The following TCHH variants were observed in gnomAD, a reference collection of about 807,000 sequenced individuals.
The protein encoded by TCHH is trichohyalin.
Under a neutral mutation model 6.3 loss-of-function variants are expected in TCHH, and 6 were observed. The observed-to-expected ratio is 0.95, with a 90% CI of 0.52 to 1.88. TCHH has a LOEUF of 1.88. Ranked by LOEUF, TCHH falls within the 40% of genes most tolerant of loss-of-function variation. The pLI, the probability that TCHH is intolerant of heterozygous loss-of-function variation, is 0.01. For synonymous variants in TCHH, 1,087 were observed against 963.6 expected, an observed-to-expected ratio of 1.13 and a Z score of -2.37; for missense variants, 2,920 against 2,449.1, an observed-to-expected ratio of 1.19 and a Z score of -4.06.
In TCHH at chr1:152,107,435, T is replaced by C. The variant is rs367712722; in HGVS notation, c.5782A>G (p.Ser1928Gly). The C allele has an allele frequency of 3.7e-6, 6 of 1,611,726 alleles. No homozygotes were observed. The East Asian group carries it at 1.1e-4, about 30-fold the overall frequency. ...TCTTGGATGTACTCATAGAGAGGGCTGGAGCGCACTGGGACACTGGCAAAC... is the reference window on the plus strand; with the variant it reads ...TCTTGGATGTACTCATAGAGAGGGCCGGAGCGCACTGGGACACTGGCAAAC... ...HQFASVPVRSSPLYEYIQEQR... is the reference protein window; with the variant it reads ...HQFASVPVRSGPLYEYIQEQR... The change falls in exon 3 of 3, where the codon AGC (serine) becomes GGC (glycine). Residue 1928 changes from serine to glycine, a missense_variant. Coordinates refer to ENST00000614923, the MANE Select transcript of TCHH (RefSeq NM_007113.4).
rs1247073181 is a variant in TCHH, at chr1:152,107,949, A to T, written c.5268T>A (p.Arg1756=). 1 of 1,570,364 alleles carries T rather than the reference A, an allele frequency of 6.4e-7. No homozygotes were observed. The part of the protein sequence containing the change: ...YRKILEEEQL[R]PEREEQQLRR... The stretch of plus-strand genomic sequence containing the variant: ...GCAGCTGCTGTTCTTCCCTTTCCGG[A>T]CGGAGCTGCTCTTCCTCTAGGATTT... The change falls in exon 3 of 3, where the codon CGT becomes CGA. Residue 1756 remains arginine (R), a synonymous_variant. Transcript: ENST00000614923.
In TCHH at chr1:152,107,445, T is replaced by C. The variant is rs1306749722; in HGVS notation, c.5772A>G (p.Pro1924=). Residue 1924 remains proline (P), a synonymous_variant, in exon 3 of 3, where the codon CCA becomes CCG. Coordinates refer to ENST00000614923, the MANE Select transcript of TCHH (RefSeq NM_007113.4). ...EPGTHQFASV[P]VRSSPLYEYI... is the part of the protein sequence containing the mutation. ...ACTCATAGAGAGGGCTGGAGCGCAC[T>C]GGGACACTGGCAAACTGATGAGTGC... 4 of 1,613,460 alleles carry C rather than the reference T, an allele frequency of 2.5e-6. No individual in the cohort carries two copies. The highest frequency in any genetic ancestry group is 3.4e-6 in the Non-Finnish European group (4 of 1,179,664).
At position 152,112,830 on chromosome 1, in the gene TCHH, C is replaced by T. The variant is rs369498918; in HGVS notation, c.387G>A (p.Leu129=). ...TGCGTCGTTGCCCAGGTTCTTCTTC[C>T]AGTTGTCTGTCCCGGGGCTCGAATC... is the stretch of plus-strand genomic sequence containing the variant. ...QRRFEPRDRQ[L]EEEPGQRRRQ... The change falls in exon 3 of 3, where the codon CTG becomes CTA. Residue 129 remains leucine, a synonymous_variant. Coordinates refer to ENST00000614923, the MANE Select transcript of TCHH (RefSeq NM_007113.4). The T allele has an allele frequency of 6.2e-7, 1 of 1,613,844 alleles. No individual in the cohort carries two copies. Among genetic ancestry groups the T allele is most frequent in the Non-Finnish European group, 8.5e-7 (1 of 1,180,012 alleles).
rs75981854 is a variant in TCHH at position 152,108,632 on chromosome 1, G to T, written c.4585C>A (p.Arg1529=). 10 of 1,602,204 alleles carry T rather than the reference G, an allele frequency of 6.2e-6. No individual in the cohort carries two copies. The highest frequency in any genetic ancestry group is 1.1e-5 in the South Asian group (1 of 90,924). ...TCCTCCTGGAGGAATTTTCTCTGCC[G>T]TTGCTGGCGGTGCAGCTGCTGTTCC... ...EEEQQLHRQQ[R]QRKFLQEEQQ... The change falls in exon 3 of 3, where the codon CGG becomes AGG. Residue 1529 remains arginine, a synonymous_variant. Coordinates refer to ENST00000614923, the MANE Select transcript of TCHH (RefSeq NM_007113.4).
In TCHH at chr1:152,107,696, G is replaced by T. The variant is rs756321384; in HGVS notation, c.5521C>A (p.Arg1841=). The change falls in exon 3 of 3, where the codon CGA becomes AGA. Residue 1841 remains arginine, a synonymous_variant. Coordinates refer to ENST00000614923, the MANE Select transcript of TCHH (RefSeq NM_007113.4). ...TCCTCCGCCCGGTACTGCCGGTCTC[G>T]CTCCTGCCGCAGCCTCTGCTCTTGT... ...EEQEQRLRQE[R]DRQYRAEEQF... is the part of the protein sequence containing the mutation. The T allele has an allele frequency of 6.2e-7, 1 of 1,614,176 alleles. No individual in the cohort carries two copies. Among genetic ancestry groups the T allele is most frequent in the South Asian group, 1.1e-5 (1 of 91,080 alleles).
Position 152,107,437 on chromosome 1 carries a change from G to C in TCHH, c.5780C>G (p.Ser1927Cys), listed in dbSNP as rs1264216558. The C allele has an allele frequency of 1.2e-6, 2 of 1,612,044 alleles. No individual in the cohort carries two copies. The highest frequency in any genetic ancestry group is 2.2e-5 in the East Asian group (1 of 44,850). Residue 1927 changes from serine to cysteine, a missense_variant, in exon 3 of 3, where the codon TCC (serine) becomes TGC (cysteine). By Grantham distance (112) the Ser-to-Cys change is moderately radical. Transcript: ENST00000614923. ...THQFASVPVR[S>C]SPLYEYIQEQ... ...TTGGATGTACTCATAGAGAGGGCTG[G>C]AGCGCACTGGGACACTGGCAAACTG...
chr1:152,107,491 T>C lies in TCHH; in HGVS notation c.5726A>G (p.His1909Arg), dbSNP rs1049421375. The C allele has an allele frequency of 1.2e-6, 2 of 1,614,122 alleles. No individual in the cohort carries two copies. Among genetic ancestry groups the C allele is most frequent in the Non-Finnish European group, 1.7e-6 (2 of 1,180,048 alleles). ...AGTGCCGGGCTCCAGAAGCCGCCCA[T>C]GGCCCTTCCCTTCTTGGGATTTTAT... is the stretch of plus-strand genomic sequence containing the variant. ...GEIKSQEGKG[H>R]GRLLEPGTHQ... is the part of the protein sequence containing the mutation. The change falls in exon 3 of 3, where the codon CAT becomes CGT. Residue 1909 changes from histidine to arginine, a missense_variant. By Grantham distance (29) the His-to-Arg change is conservative (BLOSUM62 0). Coordinates refer to ENST00000614923, the MANE Select transcript of TCHH (RefSeq NM_007113.4).
At position 152,107,565 on chromosome 1, in the gene TCHH, G is replaced by C; in HGVS notation, c.5652C>G (p.His1884Gln). The C allele has an allele frequency of 6.2e-7, 1 of 1,614,084 alleles. No individual in the cohort carries two copies. The highest frequency in any genetic ancestry group is 1.3e-5 in the African/African-American group (1 of 75,010). ...GTTCCTCCTTCTGCTGGCGGCGGAT[G>C]TGTTCTTCCCGTAATTTCCTTTCCC... is the stretch of plus-strand genomic sequence containing the variant. ...QERERKLREE[H>Q]IRRQQKEEQR... The change falls in exon 3 of 3, where the codon CAC (histidine) becomes CAG (glutamine). Residue 1884 changes from histidine (H) to glutamine (Q), a missense_variant. Coordinates refer to ENST00000614923, the MANE Select transcript of TCHH (RefSeq NM_007113.4).
Position 152,112,424 on chromosome 1 carries a change from G to A in TCHH, c.793C>T (p.Pro265Ser). The A allele has an allele frequency of 6.2e-7, 1 of 1,613,710 alleles. No individual in the cohort carries two copies. Among genetic ancestry groups the A allele is most frequent in the South Asian group, 1.1e-5 (1 of 91,070 alleles). Residue 265 changes from proline (P) to serine (S), a missense_variant, in exon 3 of 3, where the codon CCG (proline) becomes TCG (serine). Transcript: ENST00000614923. ...KEEEKLQEEE[P>S]QRQRELQEEE... ...TCCTGGAGCTCTCTTTGCCGCTGCG[G>A]CTCCTCTTCCTGCAACTTCTCTTCT...
At position 152,109,465 on chromosome 1, in the gene TCHH, CG is replaced by C. The variant is rs1383379977; in HGVS notation, c.3751del (p.Arg1251GlyfsTer71). On this transcript the variant is annotated frameshift_variant, in exon 3 of 3. Coordinates refer to ENST00000614923, the MANE Select transcript of TCHH (RefSeq NM_007113.4). LOFTEE classifies it low-confidence loss of function (END_TRUNC). Reference protein sequence around the residue: ...YCKGRENEQFRQLEDSQLRDR... With the variant: ...YCKGRENEQFXQLEDSQLRDR... ...GCGCAGCTGGGAATCTTCCAACTGC[CG>C]GAACTGTTCATTCTCTCTGCCTTTG... The C allele has an allele frequency of 1.2e-6, 2 of 1,614,122 alleles. No homozygotes were observed. The highest frequency in any genetic ancestry group is 2.2e-5 in the East Asian group (1 of 44,900).
Position 152,107,124 on chromosome 1 carries a change from A to ATT in TCHH, c.*259_*260dup. On this transcript the variant is annotated 3_prime_UTR_variant, in exon 3 of 3. Transcript: ENST00000614923. ...TTCTTAAACAAATTAAATGATTTAT[A>ATT]TTTTTTTTAAATGCACACCACATCT... The ATT allele has an allele frequency of 3.0e-6, 1 of 336,214 alleles. No homozygotes were observed. Among genetic ancestry groups the ATT allele is most frequent in the Non-Finnish European group, 5.3e-6 (1 of 187,282 alleles). 20.8% of individuals were successfully genotyped at this position (336,214 alleles called of 1,614,324 possible). A position where few individuals can be genotyped will look rare whatever the true frequency, so the allele number is the denominator to read the frequency against.
Position 152,111,863 on chromosome 1 carries a change from C to CCTG in TCHH, c.1351_1353dup (p.Gln451dup), listed in dbSNP as rs1658373753. 6.2e-7 allele frequency: 1 copy of CCTG among 1,601,798 alleles called. No homozygotes were observed. The highest frequency in any genetic ancestry group is 1.1e-5 in the South Asian group (1 of 90,512). On this transcript the variant is annotated inframe_insertion, in exon 3 of 3. Transcript: ENST00000614923. ...CGCTTCAGCCAATCGCGCCTCTCCT[C>CCTG]CTGCTCGCGCTTCAGCCGCTGCTCG...
Position 152,111,950 on chromosome 1 carries a change from G to A in TCHH, c.1267C>T (p.Gln423Ter), listed in dbSNP as rs747922440. The A allele has an allele frequency of 6.3e-7, 1 of 1,574,860 alleles. No individual in the cohort carries two copies. The highest frequency in any genetic ancestry group is 1.5e-5 in the African/African-American group (1 of 64,784). The stretch of plus-strand genomic sequence containing the variant: ...TCCTCCTGCTCGCGCCTCAGCTGCT[G>A]CTCGCGCCTCAGCTGCTGCTCGCGC... ...LRREQQLRREQQLRREQEEER... is the reference protein window; with the variant it reads ...LRREQQLRRE Residue 423 changes from glutamine (Q) to a stop codon, truncating the protein, a stop_gained, in exon 3 of 3, where the codon CAG becomes TAG. Coordinates refer to ENST00000614923, the MANE Select transcript of TCHH (RefSeq NM_007113.4). LOFTEE classifies it low-confidence loss of function (END_TRUNC).
rs745659055 is a variant in TCHH at position 152,110,727 on chromosome 1, C to G, written c.2490G>C (p.Glu830Asp). The G allele has an allele frequency of 6.2e-7, 1 of 1,610,578 alleles. No homozygotes were observed. Among genetic ancestry groups the G allele is most frequent in the South Asian group, 1.1e-5 (1 of 91,084 alleles). Residue 830 changes from glutamate (E) to aspartate (D), a missense_variant, in exon 3 of 3, where the codon GAG becomes GAC. Physicochemically the swap from Glu to Asp is conservative, Grantham distance 45 (BLOSUM62 2). Coordinates refer to ENST00000614923, the MANE Select transcript of TCHH (RefSeq NM_007113.4). Reference protein sequence around the residue: ...RRRQRREREKELQFLEEEEQL... With the variant: ...RRRQRREREKDLQFLEEEEQL... ...GCTCCTCTTCCTCCAGGAACTGCAG[C>G]TCTTTCTCCCTCTCGCGTCGCTGGC...
chr1:152,110,865 C>T lies in TCHH; in HGVS notation c.2352G>A (p.Leu784=), dbSNP rs771284672. ...EEKSERGRQR[L]SARPPLREQR... ...GCTCCCGCAATGGGGGCCTGGCCGACAGCCTCTGACGGCCCCTCTCGCTCT... is the reference window on the plus strand; with the variant it reads ...GCTCCCGCAATGGGGGCCTGGCCGATAGCCTCTGACGGCCCCTCTCGCTCT... Residue 784 remains leucine (L), a synonymous_variant, in exon 3 of 3, where the codon CTG becomes CTA. Transcript: ENST00000614923. 1.5e-5 allele frequency: 24 copies of T among 1,610,380 alleles called. No individual in the cohort carries two copies. Among genetic ancestry groups the T allele is most frequent in the Non-Finnish European group, 1.9e-5 (23 of 1,179,764 alleles).
At position 152,110,083 on chromosome 1, in the gene TCHH, T is replaced by A. The variant is rs560609292; in HGVS notation, c.3134A>T (p.Glu1045Val). The A allele has an allele frequency of 2.5e-6, 4 of 1,611,672 alleles. No individual in the cohort carries two copies. The African/African-American group carries it at 5.4e-5, about 22-fold the overall frequency. Reference sequence around the variant, plus strand: ...TTCCTCCCGATATTGCCTCTCCCGCTCCTGGAGTCTTCTTTTCTCCCGTTC... The same window carrying A: ...TTCCTCCCGATATTGCCTCTCCCGCACCTGGAGTCTTCTTTTCTCCCGTTC... Reference protein sequence around the residue: ...REEREKRRLQERERQYREEEE... With the variant: ...REEREKRRLQVRERQYREEEE... Residue 1045 changes from glutamate (E) to valine (V), a missense_variant, in exon 3 of 3, where the codon GAG (glutamate) becomes GTG (valine). By Grantham distance (121) the Glu-to-Val change is moderately radical. Transcript: ENST00000614923.
chr1:152,108,200 C>A lies in TCHH; in HGVS notation c.5017G>T (p.Glu1673Ter). 2.5e-6 allele frequency: 4 copies of A among 1,610,960 alleles called. No homozygotes were observed. The highest frequency in any genetic ancestry group is 3.4e-6 in the Non-Finnish European group (4 of 1,179,200). ...HDRDRKFREE[E>*]QLLQEGEEQQ... ...TCCTCCCCTTCCTGGAGCAGCTGTT[C>A]CTCTTCACGGAATTTTCTGTCGCGG... The change falls in exon 3 of 3, where the codon GAA (glutamate) becomes TAA (stop). Residue 1673 changes from glutamate (E) to a stop codon, truncating the protein, a stop_gained. Coordinates refer to ENST00000614923, the MANE Select transcript of TCHH (RefSeq NM_007113.4). LOFTEE classifies it low-confidence loss of function (END_TRUNC).
chr1:152,109,259 A>G lies in TCHH; in HGVS notation c.3958T>C (p.Leu1320=). The G allele has an allele frequency of 6.2e-7, 1 of 1,614,028 alleles. No individual in the cohort carries two copies. The highest frequency in any genetic ancestry group is 8.5e-7 in the Non-Finnish European group (1 of 1,179,986). ...RDRKSQEEKQ[L]LREEREEKRR... ...TTCTCTTCTCTTTCCTCTCTCAGCA[A>G]CTGCTTTTCCTCTTGGGACTTCCTG... The change falls in exon 3 of 3, where the codon TTG becomes CTG. Residue 1320 remains leucine (L), a synonymous_variant. Coordinates refer to ENST00000614923, the MANE Select transcript of TCHH (RefSeq NM_007113.4).
Position 152,109,224 on chromosome 1 carries a change from A to C in TCHH, c.3993T>G (p.Arg1331=), listed in dbSNP as rs1463725225. 1 of 1,613,968 alleles carries C rather than the reference A, an allele frequency of 6.2e-7. No individual in the cohort carries two copies. Residue 1331 remains arginine, a synonymous_variant, in exon 3 of 3, where the codon CGT becomes CGG. Transcript: ENST00000614923. ...CGCGGAATTTTCTGTCTGTCTCTTG[A>C]CGGCGTCTCTTCTCTTCTCTTTCCT... The part of the protein sequence containing the change: ...LREEREEKRR[R]QETDRKFREE...
Sources: allele counts gnomAD v4.1 joint callset, GRCh38; gene constraint gnomAD v4.1.1; transcripts MANE v1.5; gene names NCBI Gene and HGNC (gene_info 2026-07-23, HGNC 2026-07-21).